TENM4: variants seen among roughly 807,000 people sequenced by gnomAD.
TENM4 encodes teneurin-4.
In TENM4, 82 loss-of-function variants were observed where a neutral mutation model predicts 243.3. The observed-to-expected ratio is 0.34, with a 90% CI of 0.28 to 0.40. The LOEUF (loss-of-function observed/expected upper bound fraction) is 0.40, where lower values mean the gene tolerates loss of function less well. Among genes scored for constraint, TENM4 ranks in the 10% least tolerant of loss-of-function variants. The probability of loss-of-function intolerance (pLI) is 1.00; values close to 1 mark genes in which losing one functional copy is unlikely to be tolerated. For synonymous variants in TENM4, 1,412 were observed against 1,456.3 expected, an observed-to-expected ratio of 0.97 and a Z score of 0.69; for missense variants, 3,138 against 3,673.3, an observed-to-expected ratio of 0.85 and a Z score of 3.77.
intron 9 of TENM4, among the ~76,000 whole-genome samples, chr11:78,867,267 A>G (rs544890232): frequency 5.9e-5 from 9 of 152,164 alleles, no homozygotes; most frequent in African/African-American, 1.4e-4. Context: ...CTAGCCTTCC[A>G]AACCTCTGGT....
chr11:79,088,098 G>A (rs1014270846), intron 4 of TENM4, among the ~76,000 whole-genome samples: 4 of 152,224 alleles, frequency 2.6e-5, no homozygotes, highest in Non-Finnish European at 4.4e-5. Context: ...TTTTCATTAA[G>A]ACACTCTGCC....
chr11:79,420,286 A>G (rs747229221), intron 1 of TENM4, among the ~76,000 whole-genome samples: 16 of 152,210 alleles, frequency 1.1e-4, no homozygotes, highest in Non-Finnish European at 2.2e-4. Flanking sequence ...CATTTCATTT[A>G]TCTGAACTAC....
At chr11:79,114,037 C>T (rs868167513) in intron 4 of TENM4, among the ~76,000 whole-genome samples, 1 of 152,170 alleles carries the variant, frequency 6.6e-6, no homozygotes, top group East Asian at 1.9e-4. Flanking sequence ...CCACTTCTAA[C>T]CCCTTAGTCC....
chr11:79,373,840 A>G (rs1857836411), intron 1 of TENM4, among the ~76,000 whole-genome samples: 1 of 152,204 alleles, frequency 6.6e-6, no homozygotes, highest in African/African-American at 2.4e-5. Flanking sequence ...GCCCCAAGAT[A>G]TCATTAAGTC....
chr11:79,016,169 A>G (rs1565168392), intron 6 of TENM4, among the ~76,000 whole-genome samples: 1 of 152,212 alleles, frequency 6.6e-6, no homozygotes, highest in Non-Finnish European at 1.5e-5. Flanking sequence ...GAACACAATG[A>G]TGCTCTCAAA....
At chr11:79,213,969 GT>G (rs1863998935) in intron 3 of TENM4, among the ~76,000 whole-genome samples, 1 of 151,500 alleles carries the variant, frequency 6.6e-6, no homozygotes, top group Non-Finnish European at 1.5e-5. Flanking sequence ...CACTTTACCT[GT>G]CCTTCTAAAG....
Position 79,015,894 on chromosome 11 carries a change from A to G in TENM4, c.493+48844T>C, listed in dbSNP as rs374517273. 4.3e-4 allele frequency among the ~76,000 whole-genome samples: 65 copies of G among 152,350 alleles called. 1 individual carries two copies. The South Asian group carries it at 0.013, about 32-fold the overall frequency. ...AGGCATGAATTCTGATAAGGTGGTC[A>G]GAAAAGGCCCCTCAGGAGAGTGAGT... On this transcript the variant is annotated intron_variant, in intron 6 of 33. Transcript: ENST00000278550.
At chr11:79,171,983 G>T (rs932769596) in intron 3 of TENM4, among the ~76,000 whole-genome samples, 1 of 152,186 alleles carries the variant, frequency 6.6e-6, no homozygotes, top group Non-Finnish European at 1.5e-5. Context: ...ACAAGGTCTT[G>T]CTCCGTTACT....
intron 1 of TENM4, among the ~76,000 whole-genome samples, chr11:79,369,022 C>T (rs1306588948): frequency 6.6e-6 from 1 of 152,158 alleles, no homozygotes; most frequent in African/African-American, 2.4e-5. Flanking sequence ...TACACAAGCC[C>T]ATTCTTGTCT....
At chr11:78,795,596 C>T (rs950458108) in intron 15 of TENM4, among the ~76,000 whole-genome samples, 5 of 152,056 alleles carry the variant, frequency 3.3e-5, no homozygotes, top group African/African-American at 9.7e-5. Flanking sequence ...GCTGAGGATA[C>T]GAGATTATAT....
At chr11:78,868,914 C>T (rs1859054408) in intron 9 of TENM4, among the ~76,000 whole-genome samples, 1 of 151,378 alleles carries the variant, frequency 6.6e-6, no homozygotes, top group Non-Finnish European at 1.5e-5. Flanking sequence ...TATTAGTGCT[C>T]AGTTTTTTTT....
At chr11:79,130,949 G>C (rs544557622) in intron 4 of TENM4, among the ~76,000 whole-genome samples, 2 of 152,094 alleles carry the variant, frequency 1.3e-5, no homozygotes, top group African/African-American at 4.8e-5. Flanking sequence ...TGAAGACAAG[G>C]TCTTAGAATT....
At chr11:79,257,977 A>T (rs1047643297) in intron 2 of TENM4, among the ~76,000 whole-genome samples, 3 of 152,208 alleles carry the variant, frequency 2.0e-5, no homozygotes, top group African/African-American at 7.2e-5. Flanking sequence ...CAGGTGCAAG[A>T]GTTTAAGCCT....
At chr11:78,856,657 A>T (rs1045013598) in intron 10 of TENM4, among the ~76,000 whole-genome samples, 14 of 152,076 alleles carry the variant, frequency 9.2e-5, no homozygotes, top group African/African-American at 3.4e-4. Context: ...GGTATTTAAA[A>T]AGCTCACTAA....
chr11:78,708,322 T>C (rs2135790208), intron 27 of TENM4, 39 bp downstream of exon 27: 3 of 1,609,732 alleles, frequency 1.9e-6, no homozygotes, highest in Non-Finnish European at 2.5e-6. Flanking sequence ...AGAGGATGAG[T>C]GGGCAGTCCC....
intron 1 of TENM4, among the ~76,000 whole-genome samples, chr11:79,350,560 G>A (rs1302250393): frequency 1.2e-4 from 18 of 150,872 alleles, no homozygotes. Flanking sequence ...CTCTTGAGTA[G>A]CTAAGACTAC....
intron 19 of TENM4, among the ~76,000 whole-genome samples, chr11:78,743,881 C>T (rs572605635): frequency 1.5e-4 from 23 of 152,180 alleles, no homozygotes; most frequent in Non-Finnish European, 2.1e-4. Flanking sequence ...ATTCAGGAGA[C>T]GGGAATATCA....
intron 7 of TENM4, among the ~76,000 whole-genome samples, chr11:78,901,350 G>A (rs1017055570): frequency 6.6e-6 from 1 of 151,904 alleles, no homozygotes; most frequent in Non-Finnish European, 1.5e-5. Context: ...TTTCTTATTT[G>A]AGTAATAAAG....
At chr11:78,926,100 C>T (rs956689027) in intron 6 of TENM4, among the ~76,000 whole-genome samples, 4 of 151,992 alleles carry the variant, frequency 2.6e-5, no homozygotes, top group African/African-American at 9.7e-5. Flanking sequence ...GAATCTTCTT[C>T]TATTGCACAA....
Sources: allele counts gnomAD v4.1 joint callset (sites outside exome capture counted in the v4.1 genomes callset), GRCh38; gene constraint gnomAD v4.1.1; transcripts MANE v1.5; gene names NCBI Gene and HGNC (gene_info 2026-07-23, HGNC 2026-07-21).